The following PRICKLE2 variants were observed in gnomAD, a reference collection of about 807,000 sequenced individuals.
PRICKLE2 encodes prickle planar cell polarity protein 2.
In PRICKLE2, 21 loss-of-function variants were observed where a neutral mutation model predicts 81.4. That is an observed-to-expected ratio of 0.26 (90% CI 0.18 to 0.37). The LOEUF (loss-of-function observed/expected upper bound fraction) is 0.37. Ranked by LOEUF, PRICKLE2 falls within the 10% of genes least tolerant of loss-of-function variation. The pLI, the probability that PRICKLE2 is intolerant of heterozygous loss-of-function variation, is 1.00. For synonymous variants in PRICKLE2, 456 were observed against 421.5 expected, an observed-to-expected ratio of 1.08 and a Z score of -1.00; for missense variants, 940 against 1,109.0, an observed-to-expected ratio of 0.85 and a Z score of 2.16.
At chr3:64,178,299 A>G (rs1208607744) in intron 2 of PRICKLE2, among the ~76,000 whole-genome samples, 2 of 152,154 alleles carry the variant, frequency 1.3e-5, no homozygotes, top group East Asian at 1.9e-4. Context: ...TATCTATACC[A>G]TGATTTTATT....
intron 7 of PRICKLE2, among the ~76,000 whole-genome samples, chr3:64,132,532 G>C (rs550433103): frequency 6.6e-6 from 1 of 152,326 alleles, no homozygotes; most frequent in South Asian, 2.1e-4. Context: ...AGAAGGACTA[G>C]TCTGATTTAT....
intron 7 of PRICKLE2, chr3:64,146,386 A>T (rs1294313763): frequency 1.0e-5 from 2 of 196,662 alleles, no homozygotes; most frequent in Non-Finnish European, 2.1e-5. Context: ...AGCCATCTCA[A>T]ACTTGGGTTT....
chr3:64,097,346 C>G lies in PRICKLE2; in HGVS notation c.*1705G>C, dbSNP rs2076585524. The G allele has an allele frequency of 6.6e-6, 1 of 152,522 alleles. No individual in the cohort carries two copies. The highest frequency in any genetic ancestry group is 2.4e-5 in the African/African-American group (1 of 41,392). The allele number at this position is 152,522 out of a possible 1,614,324, so 9.4% of individuals were successfully genotyped here. On this transcript the variant is annotated 3_prime_UTR_variant, in exon 8 of 8. Coordinates refer to ENST00000638394, the MANE Select transcript of PRICKLE2 (RefSeq NM_198859.4). Reference sequence around the variant, plus strand: ...CATAAAAAATACTAGAAAATGTTAACTACTATACTGAAAAGAGATCACGCT... The same window carrying G: ...CATAAAAAATACTAGAAAATGTTAAGTACTATACTGAAAAGAGATCACGCT...
At chr3:64,149,521 C>G (rs2077510418) in intron 6 of PRICKLE2, among the ~76,000 whole-genome samples, 2 of 152,210 alleles carry the variant, frequency 1.3e-5, no homozygotes, top group Admixed American at 6.5e-5. Context: ...CAAGCTATGA[C>G]TGTAGGGTGG....
In PRICKLE2 at chr3:64,225,280, C is replaced by T; in HGVS notation, c.-411G>A. 1.0e-6 allele frequency: 1 copy of T among 985,506 alleles called. No homozygotes were observed. Among genetic ancestry groups the T allele is most frequent in the Admixed American group, 6.1e-5 (1 of 16,290 alleles). 61.0% of individuals were successfully genotyped at this position (985,506 alleles called of 1,614,324 possible). A position where few individuals can be genotyped will look rare whatever the true frequency, so the allele number is the denominator to read the frequency against. ...TCCTCTTAACTCCCCTTCTTCATGACAATCTGAAGGAAGAAGTCATAGACT... is the reference window on the plus strand; with the variant it reads ...TCCTCTTAACTCCCCTTCTTCATGATAATCTGAAGGAAGAAGTCATAGACT... On this transcript the variant is annotated 5_prime_UTR_variant, in exon 1 of 8. Coordinates refer to ENST00000638394, the MANE Select transcript of PRICKLE2 (RefSeq NM_198859.4).
chr3:64,148,177 G>A (rs1160269725), intron 6 of PRICKLE2, among the ~76,000 whole-genome samples: 2 of 152,242 alleles, frequency 1.3e-5, no homozygotes, highest in East Asian at 1.9e-4. Context: ...GACGAGATCT[G>A]TACCCAGGAA....
intron 2 of PRICKLE2, among the ~76,000 whole-genome samples, chr3:64,240,775 T>C (rs992695058): frequency 2.6e-5 from 4 of 152,238 alleles, no homozygotes; most frequent in African/African-American, 7.2e-5. Flanking sequence ...TCTGTAACTC[T>C]GAGCATGGAG....
intron 7 of PRICKLE2, among the ~76,000 whole-genome samples, chr3:64,113,398 G>A (rs1485861402): frequency 6.6e-6 from 1 of 152,128 alleles, no homozygotes; most frequent in East Asian, 1.9e-4. Context: ...GCCCCAGCCT[G>A]GCCACACCTG....
intron 5 of PRICKLE2, chr3:64,153,572 T>G (rs1358737262): frequency 3.5e-6 from 2 of 574,302 alleles, no homozygotes; most frequent in Non-Finnish European, 6.2e-6. Flanking sequence ...TAATTAAACA[T>G]GATTTCTGGC....
intron 2 of PRICKLE2, among the ~76,000 whole-genome samples, chr3:64,241,053 G>C (rs1426762407): frequency 1.3e-5 from 2 of 152,172 alleles, no homozygotes; most frequent in East Asian, 3.9e-4. Flanking sequence ...ATATATGTTA[G>C]GTTCTGAAGG....
At position 64,183,692 on chromosome 3, in the gene PRICKLE2, T is replaced by C. The variant is rs555333042; in HGVS notation, c.144+15092A>G. Among the ~76,000 whole-genome samples, 3 of 152,300 alleles carry C rather than the reference T, an allele frequency of 2.0e-5. No homozygotes were observed. The East Asian group carries it at 5.8e-4, about 29-fold the overall frequency. ...TCTTTCTTCTAACAATTTGGAAACA[T>C]TGCCATGTTTATTTTTACTTTATAA... On this transcript the variant is annotated intron_variant, in intron 2 of 7. Coordinates refer to ENST00000638394, the MANE Select transcript of PRICKLE2 (RefSeq NM_198859.4).
chr3:64,095,836 T>C lies in PRICKLE2; in HGVS notation c.*3215A>G, dbSNP rs2076564838. 6.6e-6 allele frequency: 1 copy of C among 152,154 alleles called. No homozygotes were observed. The highest frequency in any genetic ancestry group is 2.4e-5 in the African/African-American group (1 of 41,446). The allele number at this position is 152,154 out of a possible 1,614,324, so 9.4% of individuals were successfully genotyped here. On this transcript the variant is annotated 3_prime_UTR_variant, in exon 8 of 8. Transcript: ENST00000638394. Reference sequence around the variant, plus strand: ...ACAACCCACACCAGGACTTCTTCCTTGGATGTATGAAAAACCAGGAAGCAT... The same window carrying C: ...ACAACCCACACCAGGACTTCTTCCTCGGATGTATGAAAAACCAGGAAGCAT...
chr3:64,198,035 C>A (rs1026404936), intron 2 of PRICKLE2, among the ~76,000 whole-genome samples: 1 of 151,684 alleles, frequency 6.6e-6, no homozygotes, highest in African/African-American at 2.4e-5. Context: ...CATGGTGAAA[C>A]CCCATCTCTA....
intron 7 of PRICKLE2, 184 bp from the exon 8 acceptor site, chr3:64,100,109 A>G: frequency 1.6e-6 from 1 of 621,342 alleles, no homozygotes. Context: ...GTAGGTCACT[A>G]TCTACCTAGA....
intron 1 of PRICKLE2, among the ~76,000 whole-genome samples, chr3:64,223,947 C>T (rs1023812654): frequency 6.6e-6 from 1 of 152,190 alleles, no homozygotes; most frequent in East Asian, 1.9e-4. Flanking sequence ...AAATCACAGC[C>T]TTACCAGCTG....
At chr3:64,260,255 G>A (rs148625595) in intron 2 of PRICKLE2, among the ~76,000 whole-genome samples, 2 of 152,222 alleles carry the variant, frequency 1.3e-5, no homozygotes, top group African/African-American at 2.4e-5. Context: ...ACGCACTAAC[G>A]GGACCCAAGA....
intron 7 of PRICKLE2, among the ~76,000 whole-genome samples, chr3:64,128,743 C>CAAAAAA (rs34396377): frequency 2.1e-5 from 2 of 94,110 alleles, no homozygotes; most frequent in African/African-American, 8.4e-5. Flanking sequence ...AAGACTGTCT[C>CAAAAAA]AAAAAAAAAA....
chr3:64,217,466 A>G (rs1439334842), intron 1 of PRICKLE2, among the ~76,000 whole-genome samples: 2 of 152,234 alleles, frequency 1.3e-5, no homozygotes, highest in African/African-American at 4.8e-5. Flanking sequence ...GTAATTAACT[A>G]AAACTTTCAG....
intron 1 of PRICKLE2, among the ~76,000 whole-genome samples, chr3:64,212,655 G>C (rs188769520): frequency 1.3e-5 from 2 of 152,302 alleles, no homozygotes; most frequent in Admixed American, 1.3e-4. Flanking sequence ...CTTAGATTCT[G>C]TGGTTACCAT....
Sources: allele counts gnomAD v4.1 joint callset (sites outside exome capture counted in the v4.1 genomes callset), GRCh38; gene constraint gnomAD v4.1.1; transcripts MANE v1.5; gene names NCBI Gene and HGNC (gene_info 2026-07-23, HGNC 2026-07-21).